Variants in PHLDB2 observed in about 807,000 individuals in gnomAD.
PHLDB2 encodes pleckstrin homology like domain family B member 2.
PHLDB2 carries 71 observed loss-of-function variants against 123.6 expected under a neutral mutation model. The observed-to-expected ratio is 0.57, with a 90% confidence interval of 0.47 to 0.70. The LOEUF is 0.70. Ranked by LOEUF, PHLDB2 falls within the 30% of genes least tolerant of loss-of-function variation. The pLI is 0.00. For missense variants in PHLDB2, 1,446 were observed against 1,519.5 expected (o/e 0.95, Z 0.80); for synonymous variants, 547 against 541.6 (o/e 1.01, Z -0.14).
At chr3:111,941,808 A>G (rs2069905016) in intron 8 of PHLDB2, among the ~76,000 whole-genome samples, 1 of 136,322 alleles carries the variant, frequency 7.3e-6, no homozygotes, top group Non-Finnish European at 1.6e-5. Context: ...CCCTGTCTCA[A>G]AAAAACAAAA....
At chr3:111,900,005 A>G (rs1201910230) in intron 2 of PHLDB2, among the ~76,000 whole-genome samples, 2 of 152,170 alleles carry the variant, frequency 1.3e-5, no homozygotes, top group African/African-American at 4.8e-5. Flanking sequence ...TTCACTTTGC[A>G]CTTTTATGTT....
At chr3:111,923,801 C>A (rs531584294) in intron 5 of PHLDB2, among the ~76,000 whole-genome samples, 1 of 152,322 alleles carries the variant, frequency 6.6e-6, no homozygotes, top group Admixed American at 6.5e-5. Context: ...AACATCTCTG[C>A]ATCTCCACTA....
intron 2 of PHLDB2, among the ~76,000 whole-genome samples, chr3:111,887,839 A>C (rs1364598556): frequency 6.6e-6 from 1 of 152,110 alleles, no homozygotes; most frequent in African/African-American, 2.4e-5. Context: ...ATTTTTGTCT[A>C]TGCAATTCTT....
chr3:111,852,281 C>T (rs567003918), intron 2 of PHLDB2, among the ~76,000 whole-genome samples: 3 of 149,360 alleles, frequency 2.0e-5, no homozygotes, highest in Non-Finnish European at 4.4e-5. Context: ...CTCTCTCTCT[C>T]GCTCTCTCTC....
chr3:111,857,477 A>AAAGAAAAGC, upstream of PHLDB2, among the ~76,000 whole-genome samples: 1 of 25,192 alleles, frequency 4.0e-5, no homozygotes, highest in Non-Finnish European at 1.4e-4. Flanking sequence ...AAAGAAAAGA[A>AAAGAAAAGC]AAAAAAATTC....
chr3:111,822,613 A>G (rs2062454766), intron 1 of PHLDB2, among the ~76,000 whole-genome samples: 2 of 152,286 alleles, frequency 1.3e-5, no homozygotes, highest in East Asian at 3.9e-4. Flanking sequence ...AATGTCTAAA[A>G]TCAAAATCAG....
rs771810498 is a variant in PHLDB2 at position 111,913,370 on chromosome 3, C to T, written c.1387C>T (p.Pro463Ser). 11 of 1,613,134 alleles carry T rather than the reference C, an allele frequency of 6.8e-6. No homozygotes were observed. Among genetic ancestry groups the T allele is most frequent in the Middle Eastern group, 3.3e-4 (2 of 6,084 alleles). Residue 463 changes from proline to serine, a missense_variant, in exon 3 of 18, where the codon CCT becomes TCT. By Grantham distance (74) the Pro-to-Ser change is moderately conservative. Coordinates refer to ENST00000431670, the MANE Select transcript of PHLDB2 (RefSeq NM_001134438.2). ...CAGTCTCTGTGCTGAATACACAAAG[C>T]CTGACAGTCGCTTATCTACTGGGAC... The part of the protein sequence containing the change: ...ILSLCAEYTK[P>S]DSRLSTGTTV...
Position 111,869,269 on chromosome 3 carries a change from A to G in PHLDB2, c.-15+9693A>G, listed in dbSNP as rs143896263. Among the ~76,000 whole-genome samples, 260 of 152,028 alleles carry G rather than the reference A, an allele frequency of 1.7e-3. 1 individual carries two copies. The highest frequency in any genetic ancestry group is 6.1e-3 in the African/African-American group (254 of 41,456). On this transcript the variant is annotated intron_variant, in intron 1 of 17. Coordinates refer to ENST00000431670, the MANE Select transcript of PHLDB2 (RefSeq NM_001134438.2). ...TTTATTGTGACAGGAAGAAGCTGGA[A>G]CTTCTTTCATATTGTGCTCCACTCC...
Position 111,919,152 on chromosome 3 carries a change from C to A in PHLDB2, c.1800C>A (p.Asn600Lys), listed in dbSNP as rs1324998229. 2 of 1,613,980 alleles carry A rather than the reference C, an allele frequency of 1.2e-6. No homozygotes were observed. Among genetic ancestry groups the A allele is most frequent in the Non-Finnish European group, 8.5e-7 (1 of 1,179,848 alleles). Residue 600 changes from asparagine (N) to lysine (K), a missense_variant, in exon 4 of 18, where the codon AAC becomes AAA. Physicochemically the swap from Asn to Lys is moderately conservative, Grantham distance 94. Transcript: ENST00000431670. Reference sequence around the variant, plus strand: ...AAACCCGGATAGTCATTCTGAACAACCTCGAGGAACTTAAGCAAAAAATCA... The same window carrying A: ...AAACCCGGATAGTCATTCTGAACAAACTCGAGGAACTTAAGCAAAAAATCA... The part of the protein sequence containing the change: ...MEETRIVILN[N>K]LEELKQKIKD...
At chr3:111,859,200 C>A, upstream of PHLDB2, 1 of 985,312 alleles carries the variant, frequency 1.0e-6, no homozygotes. Flanking sequence ...GAAATCATCA[C>A]CCTAGGACGT....
chr3:111,973,514 TC>T (rs1383396041), intron 16 of PHLDB2, among the ~76,000 whole-genome samples: 1 of 152,182 alleles, frequency 6.6e-6, no homozygotes, highest in Admixed American at 6.5e-5. Flanking sequence ...CAAAGTCATC[TC>T]GTTCTTCGGT....
At chr3:111,848,869 G>A (rs2064127973) in intron 2 of PHLDB2, among the ~76,000 whole-genome samples, 1 of 152,212 alleles carries the variant, frequency 6.6e-6, no homozygotes, top group Non-Finnish European at 1.5e-5. Context: ...TGCTATATAG[G>A]CTTGTAGCCT....
intron 1 of PHLDB2, among the ~76,000 whole-genome samples, chr3:111,860,847 C>G (rs2064801273): frequency 6.6e-6 from 1 of 152,152 alleles, no homozygotes; most frequent in Non-Finnish European, 1.5e-5. Context: ...GGGAGTGTAA[C>G]TAGACGAGGC....
At chr3:111,898,836 TTAGTTA>T (rs1350294327) in intron 2 of PHLDB2, among the ~76,000 whole-genome samples, 1 of 152,232 alleles carries the variant, frequency 6.6e-6, no homozygotes, top group Non-Finnish European at 1.5e-5. Flanking sequence ...GGTTCCACAT[TTAGTTA>T]TAGTTCTTTT....
At chr3:111,895,531 A>G (rs2066785227) in intron 2 of PHLDB2, among the ~76,000 whole-genome samples, 1 of 152,228 alleles carries the variant, frequency 6.6e-6, no homozygotes, top group Non-Finnish European at 1.5e-5. Flanking sequence ...TAAAAACTGA[A>G]AATATATCAA....
At chr3:111,786,810 T>A (rs549810605) in intron 1 of PHLDB2, among the ~76,000 whole-genome samples, 1 of 152,296 alleles carries the variant, frequency 6.6e-6, no homozygotes, top group South Asian at 2.1e-4. Flanking sequence ...TAAGATCCTA[T>A]AATTCTATGT....
intron 1 of PHLDB2, among the ~76,000 whole-genome samples, chr3:111,738,006 C>T (rs897603639): frequency 1.3e-5 from 2 of 152,130 alleles, no homozygotes; most frequent in African/African-American, 4.8e-5. Flanking sequence ...AGTGAATTGG[C>T]AGGTGGCAGG....
At chr3:111,747,396 G>A (rs776354232) in intron 1 of PHLDB2, among the ~76,000 whole-genome samples, 3 of 151,698 alleles carry the variant, frequency 2.0e-5, no homozygotes, top group Non-Finnish European at 4.4e-5. Flanking sequence ...TATCTACATT[G>A]GTAAATATAT....
chr3:111,883,018 A>G (rs1363479460), intron 1 of PHLDB2, among the ~76,000 whole-genome samples: 1 of 152,218 alleles, frequency 6.6e-6, no homozygotes, highest in Non-Finnish European at 1.5e-5. Flanking sequence ...CAGAGATGTC[A>G]TAATTAGTGT....
Sources: allele counts gnomAD v4.1 joint callset (sites outside exome capture counted in the v4.1 genomes callset), GRCh38; gene constraint gnomAD v4.1.1; transcripts MANE v1.5; gene names NCBI Gene and HGNC (gene_info 2026-07-23, HGNC 2026-07-21).